The following ARHGAP17 variants were observed in gnomAD, a reference collection of about 807,000 sequenced individuals.
ARHGAP17 encodes the protein Rho GTPase activating protein 17, also known as rho GTPase-activating protein 17.
A neutral mutation model predicts 99.5 loss-of-function variants in ARHGAP17; 57 were observed. The ratio of observed to expected loss-of-function variants is 0.57; its 90% CI spans 0.46 to 0.71. The LOEUF (loss-of-function observed/expected upper bound fraction) is 0.71. ARHGAP17 is among the 30% of genes least tolerant of loss of function. The pLI, the probability that ARHGAP17 is intolerant of heterozygous loss-of-function variation, is 0.00. For missense variants in ARHGAP17, 1,000 were observed against 1,122.4 expected, an observed-to-expected ratio of 0.89 and a Z score of 1.56; for synonymous variants, 417 against 429.6, an observed-to-expected ratio of 0.97 and a Z score of 0.36.
intron 1 of ARHGAP17, among the ~76,000 whole-genome samples, chr16:25,003,049 A>G (rs943944407): frequency 1.3e-5 from 2 of 151,006 alleles, no homozygotes; most frequent in African/African-American, 4.8e-5. Context: ...AAAAAAAAAA[A>G]AAAAAAAAAA....
intron 12 of ARHGAP17, among the ~76,000 whole-genome samples, chr16:24,949,877 G>A (rs564035897): frequency 2.0e-5 from 3 of 152,150 alleles, no homozygotes; most frequent in Admixed American, 6.5e-5. Flanking sequence ...CACAGATCAG[G>A]GGGCTGAGCT....
chr16:24,947,388 T>A, intron 14 of ARHGAP17, 94 bp downstream of exon 14: 1 of 1,126,314 alleles, frequency 8.9e-7, no homozygotes, highest in Non-Finnish European at 1.3e-6. Flanking sequence ...CTTGAATTGA[T>A]CTTAAACTAG....
At chr16:24,970,628 T>A (rs1239047776) in intron 3 of ARHGAP17, 48 bp from the exon 4 acceptor site, 1 of 1,499,846 alleles carries the variant, frequency 6.7e-7, no homozygotes, top group African/African-American at 1.4e-5. Context: ...TTGATACCCA[T>A]TCTCAATGAT....
At chr16:25,004,871 C>T (rs148196396) in intron 1 of ARHGAP17, among the ~76,000 whole-genome samples, 1 of 152,312 alleles carries the variant, frequency 6.6e-6, no homozygotes, top group African/African-American at 2.4e-5. Context: ...CTGTAATTAA[C>T]ACAGAGGAAA....
intron 18 of ARHGAP17, among the ~76,000 whole-genome samples, chr16:24,933,247 C>T (rs1217645647): frequency 1.4e-5 from 2 of 138,694 alleles, no homozygotes; most frequent in Non-Finnish European, 3.1e-5. Flanking sequence ...GCCTGTATTC[C>T]CAGCACTCTG....
rs1171754361 is a variant in ARHGAP17, at chr16:24,961,518, A to ATTT, written c.574-1542_574-1540dup. ...AGTCTCTAAGTAAAAAAAAAAAAAA[A>ATTT]TTTTTTTTTTTTTTTTTTTTTTTTT... is the stretch of plus-strand genomic sequence containing the variant. On this transcript the variant is annotated intron_variant, in intron 7 of 19. Transcript: ENST00000289968. Among the ~76,000 whole-genome samples, 508 of 81,490 alleles carry ATTT rather than the reference A, an allele frequency of 6.2e-3. 11 individuals carry two copies. The highest frequency in any genetic ancestry group is 7.4e-3 in the Non-Finnish European group (322 of 43,266). The allele number at this position is 81,490 out of a possible 152,430, so 53.5% of individuals were successfully genotyped here. A position where few individuals can be genotyped will look rare whatever the true frequency, so the allele number is the denominator to read the frequency against.
In ARHGAP17 at chr16:24,975,535, G is replaced by A. The variant is rs1597439119; in HGVS notation, c.198+1680C>T. Among the ~76,000 whole-genome samples the A allele has an allele frequency of 4.6e-5, 7 of 152,334 alleles. No homozygotes were observed. The South Asian group carries it at 1.4e-3, about 32-fold the overall frequency. On this transcript the variant is annotated intron_variant, in intron 3 of 19. Coordinates refer to ENST00000289968, the MANE Select transcript of ARHGAP17 (RefSeq NM_001006634.3). ...ACAGAGCTTTGAGGCAAGTGTGGAA[G>A]CATAGGTGTATGCAAACTTCCATTC...
intron 3 of ARHGAP17, among the ~76,000 whole-genome samples, chr16:24,974,378 C>A (rs141759422): frequency 6.6e-6 from 1 of 152,052 alleles, no homozygotes; most frequent in African/African-American, 2.4e-5. Context: ...TGCAGTGAGC[C>A]GGGATCAACC....
intron 18 of ARHGAP17, among the ~76,000 whole-genome samples, chr16:24,933,292 C>A (rs1189785525): frequency 6.6e-6 from 1 of 151,910 alleles, no homozygotes; most frequent in Non-Finnish European, 1.5e-5. Flanking sequence ...CAAGACCAGC[C>A]TGGGCAACAC....
At position 24,931,017 on chromosome 16, in the gene ARHGAP17, G is replaced by C. The variant is rs768751882; in HGVS notation, c.2282C>G (p.Pro761Arg). The C allele has an allele frequency of 6.2e-7, 1 of 1,613,176 alleles. No individual in the cohort carries two copies. The highest frequency in any genetic ancestry group is 1.1e-5 in the South Asian group (1 of 91,000). ...CTGTTTTCCTAGGGGCGGAGTACTG[G>C]GGGGCGTTGGAGTCTGGGGAGGGGT... ...SHTPPQTPTP[P>R]STPPLGKQNP... is the part of the protein sequence containing the mutation. Residue 761 changes from proline to arginine, a missense_variant, in exon 19 of 20, where the codon CCC (proline) becomes CGC (arginine). Transcript: ENST00000289968.
intron 14 of ARHGAP17, 99 bp from the exon 15 acceptor site, chr16:24,943,961 T>C: frequency 8.9e-7 from 1 of 1,124,248 alleles, no homozygotes; most frequent in Admixed American, 2.1e-5. Flanking sequence ...AAGGATAAAA[T>C]ATTTAAAAGA....
intron 16 of ARHGAP17, among the ~76,000 whole-genome samples, chr16:24,940,392 A>T (rs140234615): frequency 6.6e-6 from 1 of 152,168 alleles, no homozygotes; most frequent in African/African-American, 2.4e-5. Context: ...TACATGTGAA[A>T]GGTACATAAG....
At chr16:24,948,373 A>C (rs151171876) in intron 13 of ARHGAP17, among the ~76,000 whole-genome samples, 37 of 152,312 alleles carry the variant, frequency 2.4e-4, no homozygotes, top group African/African-American at 8.9e-4. Flanking sequence ...AGAAACTGTA[A>C]ACACTGGATG....
intron 19 of ARHGAP17, chr16:24,929,651 G>A: frequency 1.0e-6 from 1 of 987,954 alleles, no homozygotes; most frequent in Non-Finnish European, 1.2e-6. Flanking sequence ...GAGGGCACTA[G>A]GAAGGGCATC....
chr16:24,935,941 CG>C, intron 17 of ARHGAP17: 1 of 392,210 alleles, frequency 2.5e-6, no homozygotes, highest in Non-Finnish European at 4.8e-6. Flanking sequence ...CCTGAGTAGC[CG>C]GGACTATAGG....
intron 11 of ARHGAP17, 29 bp from the exon 12 acceptor site, chr16:24,952,399 T>C (rs2051670850): frequency 1.9e-6 from 3 of 1,553,534 alleles, no homozygotes; most frequent in Non-Finnish European, 2.7e-6. Context: ...TCTTTGAGTA[T>C]GAAAAAGGGG....
At chr16:24,946,428 G>A (rs1402761747) in intron 14 of ARHGAP17, among the ~76,000 whole-genome samples, 3 of 151,534 alleles carry the variant, frequency 2.0e-5, no homozygotes, top group Non-Finnish European at 4.4e-5. Flanking sequence ...TCAAGGTACA[G>A]CTCCAGTGCC....
At chr16:24,956,777 T>C (rs2051821604) in intron 9 of ARHGAP17, 1 of 152,250 alleles carries the variant, frequency 6.6e-6, no homozygotes. Context: ...TTTCACATGA[T>C]GACAACCAAC....
intron 18 of ARHGAP17, among the ~76,000 whole-genome samples, chr16:24,933,512 A>G (rs1266620762): frequency 6.6e-6 from 1 of 151,876 alleles, no homozygotes; most frequent in Non-Finnish European, 1.5e-5. Flanking sequence ...AAAAAAAAAG[A>G]AAAAAGGGTA....
Sources: allele counts gnomAD v4.1 joint callset (sites outside exome capture counted in the v4.1 genomes callset), GRCh38; gene constraint gnomAD v4.1.1; transcripts MANE v1.5; gene names NCBI Gene and HGNC (gene_info 2026-07-23, HGNC 2026-07-21).